SCN2A: variants seen among roughly 807,000 people sequenced by gnomAD.
The protein encoded by SCN2A is sodium channel protein type 2 subunit alpha.
In SCN2A, 20 loss-of-function variants were observed where a neutral mutation model predicts 188.7. The ratio of observed to expected loss-of-function variants is 0.11; its 90% CI spans 0.07 to 0.15. The LOEUF is 0.15. Among genes scored for constraint, SCN2A ranks in the 10% least tolerant of loss-of-function variants. The pLI, the probability that SCN2A is intolerant of heterozygous loss-of-function variation, is 1.00. For synonymous variants in SCN2A, 804 were observed against 833.1 expected (o/e 0.97, Z 0.60); for missense variants, 1,278 against 2,445.0 (o/e 0.52, Z 10.07).
chr2:165,388,068 G>C (rs191336381), intron 26 of SCN2A, among the ~76,000 whole-genome samples: 11 of 152,220 alleles, frequency 7.2e-5, no homozygotes, highest in African/African-American at 2.6e-4. Context: ...AAAAGACTTA[G>C]TAAATGTTCA....
intron 3 of SCN2A, among the ~76,000 whole-genome samples, chr2:165,303,818 T>C (rs1283189633): frequency 6.6e-6 from 1 of 152,212 alleles, no homozygotes; most frequent in Non-Finnish European, 1.5e-5. Flanking sequence ...AACTTAAGTG[T>C]ATACTTTTAT....
chr2:165,299,825 A>T lies in SCN2A; in HGVS notation c.386+2690A>T, dbSNP rs181362444. ...GGCCACAGTTGGGAGGTCATTGTAT[A>T]TTTATTACCACTAGTTTATAAACCA... On this transcript the variant is annotated intron_variant, in intron 3 of 26. Transcript: ENST00000375437. 3.9e-5 allele frequency among the ~76,000 whole-genome samples: 6 copies of T among 152,290 alleles called. No individual in the cohort carries two copies. The East Asian group carries it at 1.2e-3, about 29-fold the overall frequency.
intron 1 of SCN2A, chr2:165,267,685 C>A (rs1574470301): frequency 6.6e-6 from 1 of 151,648 alleles, no homozygotes; most frequent in Non-Finnish European, 1.5e-5. Flanking sequence ...TATTTGCAAA[C>A]CATATGTTCA....
chr2:165,298,364 G>A lies in SCN2A; in HGVS notation c.386+1229G>A, dbSNP rs139427147. Among the ~76,000 whole-genome samples, 7 of 152,296 alleles carry A rather than the reference G, an allele frequency of 4.6e-5. No individual in the cohort carries two copies. The East Asian group carries it at 1.4e-3, about 29-fold the overall frequency. ...CAGGGTACTTATGTCATTTCTGGGT[G>A]GAGGGGATGTAAAGCATGTCCCTAG... On this transcript the variant is annotated intron_variant, in intron 3 of 26. Coordinates refer to ENST00000375437, the MANE Select transcript of SCN2A (RefSeq NM_001040142.2).
intron 19 of SCN2A, among the ~76,000 whole-genome samples, chr2:165,369,811 G>A (rs985185459): frequency 7.2e-5 from 11 of 152,142 alleles, no homozygotes; most frequent in East Asian, 5.8e-4. Flanking sequence ...CACTGAATGA[G>A]ACCAATCTAC....
Position 165,370,230 on chromosome 2 carries a change from G to A in SCN2A, c.3780G>A (p.Lys1260=), listed in dbSNP as rs763442348. ...TYIFILEMLL[K]WVAYGFQVYF... ...TATTCATTCTGGAAATGCTGCTAAA[G>A]TGGGTTGCATATGGTTTTCAAGTGT... The change falls in exon 20 of 27, where the codon AAG becomes AAA. Residue 1260 remains lysine, a synonymous_variant. Coordinates refer to ENST00000375437, the MANE Select transcript of SCN2A (RefSeq NM_001040142.2). The A allele has an allele frequency of 6.2e-7, 1 of 1,614,156 alleles. No individual in the cohort carries two copies. The highest frequency in any genetic ancestry group is 8.5e-7 in the Non-Finnish European group (1 of 1,180,002).
At chr2:165,311,531 G>T (rs571698779) in intron 7 of SCN2A, among the ~76,000 whole-genome samples, 150 of 152,122 alleles carry the variant, frequency 9.9e-4, no homozygotes, top group African/African-American at 3.5e-3. Flanking sequence ...TCATAAGAGG[G>T]AATAAATACC....
In SCN2A at chr2:165,391,574, A is replaced by T. The variant is rs943326884; in HGVS notation, c.*1750A>T. 6.6e-6 allele frequency: 1 copy of T among 152,468 alleles called. No homozygotes were observed. Among genetic ancestry groups the T allele is most frequent in the Admixed American group, 6.6e-5 (1 of 15,224 alleles). 9.4% of individuals were successfully genotyped at this position (152,468 alleles called of 1,614,324 possible). On this transcript the variant is annotated 3_prime_UTR_variant, in exon 27 of 27. Transcript: ENST00000375437. ...TTTTTTATTAGTACTGTAAACTTGC[A>T]CACATTTCAATGTGAAACAAATCTC...
chr2:165,241,004 G>A (rs983854157), intron 1 of SCN2A: 15 of 152,026 alleles, frequency 9.9e-5, no homozygotes, highest in African/African-American at 2.9e-4. Flanking sequence ...CCAGAGTCAC[G>A]TACTAAATTA....
intron 25 of SCN2A, among the ~76,000 whole-genome samples, chr2:165,384,159 G>A (rs1294703699): frequency 6.6e-6 from 1 of 151,784 alleles, no homozygotes; most frequent in Non-Finnish European, 1.5e-5. Flanking sequence ...AAAAGAACAT[G>A]GAAATTAAAA....
intron 3 of SCN2A, among the ~76,000 whole-genome samples, chr2:165,305,817 A>G (rs1380480419): frequency 6.6e-6 from 1 of 152,240 alleles, no homozygotes; most frequent in Non-Finnish European, 1.5e-5. Context: ...AAGTTTGGCC[A>G]TGATATGGAA....
At chr2:165,310,945 G>A (rs899136848) in intron 7 of SCN2A, among the ~76,000 whole-genome samples, 10 of 152,100 alleles carry the variant, frequency 6.6e-5, no homozygotes, top group Non-Finnish European at 1.0e-4. Flanking sequence ...CCACTGAAAT[G>A]TGTTAAGAAG....
At chr2:165,353,333 T>A (rs1368102583) in intron 16 of SCN2A, among the ~76,000 whole-genome samples, 2 of 152,232 alleles carry the variant, frequency 1.3e-5, no homozygotes, top group Admixed American at 6.5e-5. Context: ...TTGTCTGATT[T>A]GTCCAGTTAT....
rs756396073 is a variant in SCN2A at position 165,313,609 on chromosome 2, C to T, written c.1035-11C>T. On this transcript the variant is annotated splice_polypyrimidine_tract_variant and intron_variant, in intron 8 of 26. Coordinates refer to ENST00000375437, the MANE Select transcript of SCN2A (RefSeq NM_001040142.2). ...TATTGACTTCCTTTCTTTCCTCTAA[C>T]CTAATTATAGCCAGTGTCCTGAAGG... 1.2e-6 allele frequency: 2 copies of T among 1,613,054 alleles called. No individual in the cohort carries two copies. Among genetic ancestry groups the T allele is most frequent in the East Asian group, 2.2e-5 (1 of 44,838 alleles).
At chr2:165,291,035 C>CTTTCTTT (rs1559339507) in intron 1 of SCN2A, among the ~76,000 whole-genome samples, 11 of 79,936 alleles carry the variant, frequency 1.4e-4, no homozygotes, top group African/African-American at 3.1e-4. Flanking sequence ...TCTTTTCTTT[C>CTTTCTTT]TTTTTTTTTT....
chr2:165,254,789 C>T (rs1388440251), intron 1 of SCN2A, among the ~76,000 whole-genome samples: 3 of 151,718 alleles, frequency 2.0e-5, no homozygotes, highest in African/African-American at 4.8e-5. Context: ...ATGTCTTCTA[C>T]AATTAACAGC....
chr2:165,330,178 T>C (rs1698600952), intron 13 of SCN2A, among the ~76,000 whole-genome samples: 1 of 152,176 alleles, frequency 6.6e-6, no homozygotes, highest in African/African-American at 2.4e-5. Context: ...TTAAAGTGAC[T>C]GACTAGAGTC....
At chr2:165,322,331 A>C (rs981574152) in intron 11 of SCN2A, among the ~76,000 whole-genome samples, 1 of 152,230 alleles carries the variant, frequency 6.6e-6, no homozygotes, top group African/African-American at 2.4e-5. Context: ...GGGAGACCCG[A>C]GCCTCAAGTC....
intron 1 of SCN2A, chr2:165,294,010 T>TTAA (rs1331839844): frequency 2.7e-5 from 4 of 149,490 alleles, no homozygotes; most frequent in Non-Finnish European, 3.4e-5. Flanking sequence ...GAAGGAGAAT[T>TTAA]AAAAAAAAAA....
Sources: allele counts gnomAD v4.1 joint callset (sites outside exome capture counted in the v4.1 genomes callset), GRCh38; gene constraint gnomAD v4.1.1; transcripts MANE v1.5; gene names NCBI Gene and HGNC (gene_info 2026-07-23, HGNC 2026-07-21).